Variants in CALN1 observed in about 807,000 individuals in gnomAD.
CALN1 encodes the protein calneuron 1.
CALN1 carries 17 observed loss-of-function variants against 30.6 expected under a neutral mutation model. That is an observed-to-expected ratio of 0.56 (90% CI 0.38 to 0.83). The LOEUF is 0.83. CALN1 is among the 40% of genes least tolerant of loss of function. The pLI is 0.00. For synonymous variants in CALN1, 156 were observed against 131.4 expected (o/e 1.19, Z -1.28); for missense variants, 291 against 354.9 (o/e 0.82, Z 1.45).
chr7:72,213,344 T>C (rs1222658652), intron 3 of CALN1, among the ~76,000 whole-genome samples: 1 of 152,178 alleles, frequency 6.6e-6, no homozygotes. Flanking sequence ...TTAACCTGGG[T>C]TCCCTAAACA....
At chr7:72,467,131 G>A in the CALN1 span, among the ~76,000 whole-genome samples, 1 of 152,102 alleles carries the variant, frequency 6.6e-6, no homozygotes, top group Admixed American at 6.5e-5. Context: ...GCAGCACTGG[G>A]TCACGCACAC....
chr7:72,322,737 C>T (rs531841634), intron 2 of CALN1, among the ~76,000 whole-genome samples: 3 of 151,776 alleles, frequency 2.0e-5, no homozygotes, highest in East Asian at 1.9e-4. Flanking sequence ...TGAATAATAC[C>T]CTAGTACTTG....
intron 3 of CALN1, among the ~76,000 whole-genome samples, chr7:72,141,205 G>T (rs139319258): frequency 9.2e-5 from 14 of 152,186 alleles, no homozygotes; most frequent in African/African-American, 3.4e-4. Flanking sequence ...GGCTGAGGTG[G>T]GAGCATCACT....
chr7:71,969,043 T>C (rs1797665048), intron 5 of CALN1, among the ~76,000 whole-genome samples: 1 of 150,770 alleles, frequency 6.6e-6, no homozygotes, highest in South Asian at 2.1e-4. Context: ...AGTGAGCCTC[T>C]ATCTCAAAAG....
rs117183642 is a variant in CALN1, at chr7:71,909,098, C to T, written c.502-98606G>A. Among the ~76,000 whole-genome samples the T allele has an allele frequency of 5.2e-3, 790 of 152,200 alleles. 3 individuals are homozygous for T. The highest frequency in any genetic ancestry group is 0.015 in the Admixed American group (231 of 15,282). On this transcript the variant is annotated intron_variant, in intron 5 of 6. Transcript: ENST00000395275. ...GTGGTGCAGTCATAGCTGACTGCAG[C>T]CTCAACCTCCTAGGCTCAAGCGATC...
intron 2 of CALN1, among the ~76,000 whole-genome samples, chr7:72,370,656 C>CA (rs374531193): frequency 0.37 from 37,681 of 100,496 alleles, 5,563 homozygotes; most frequent in Non-Finnish European, 0.43. Flanking sequence ...GACTCCGTCT[C>CA]AAAAAAAAAA....
chr7:71,921,584 G>C (rs1020389662), intron 5 of CALN1, among the ~76,000 whole-genome samples: 10 of 152,134 alleles, frequency 6.6e-5, no homozygotes, highest in African/African-American at 2.2e-4. Context: ...ATTTTCCTAA[G>C]TGAGGTGCCA....
chr7:72,503,890 G>A, the CALN1 span, among the ~76,000 whole-genome samples: 2 of 152,018 alleles, frequency 1.3e-5, no homozygotes, highest in Admixed American at 6.6e-5. Flanking sequence ...AGAATGCCTT[G>A]GTTTTTTAAT....
intron 3 of CALN1, among the ~76,000 whole-genome samples, chr7:72,108,159 A>C (rs907432057): frequency 9.9e-5 from 15 of 152,192 alleles, no homozygotes; most frequent in Non-Finnish European, 1.8e-4. Flanking sequence ...GGCTGCCAGC[A>C]TTCCTTGGCT....
At chr7:72,140,281 AGAGAG>A in intron 3 of CALN1, among the ~76,000 whole-genome samples, 1 of 28,830 alleles carries the variant, frequency 3.5e-5, no homozygotes, top group African/African-American at 1.8e-4. Context: ...AAAATAAGAG[AGAGAG>A]AGAGAGAGAG....
intron 6 of CALN1, among the ~76,000 whole-genome samples, chr7:71,798,085 GAGAC>G (rs149511111): frequency 3.4e-5 from 4 of 119,086 alleles, no homozygotes; most frequent in African/African-American, 1.2e-4. Flanking sequence ...GAGACAGAGA[GAGAC>G]AGAGAGAGAG....
intron 2 of CALN1, among the ~76,000 whole-genome samples, chr7:72,389,251 T>C (rs751503209): frequency 2.6e-4 from 39 of 152,220 alleles, no homozygotes; most frequent in Non-Finnish European, 4.4e-5. Flanking sequence ...GCAGGAATTC[T>C]TCCAGTTCTC....
At chr7:72,210,414 C>G (rs1375632424) in intron 3 of CALN1, among the ~76,000 whole-genome samples, 1 of 152,022 alleles carries the variant, frequency 6.6e-6, no homozygotes, top group Non-Finnish European at 1.5e-5. Flanking sequence ...AACCTGTAAC[C>G]CCAGCACTTT....
chr7:72,460,002 C>G, the CALN1 span, among the ~76,000 whole-genome samples: 1 of 152,176 alleles, frequency 6.6e-6, no homozygotes, highest in Non-Finnish European at 1.5e-5. Flanking sequence ...ACGTCTGCAT[C>G]TGGGAAAGCT....
chr7:72,217,832 ATTTTT>A (rs35736777), intron 3 of CALN1, among the ~76,000 whole-genome samples: 29 of 67,326 alleles, frequency 4.3e-4, no homozygotes, highest in African/African-American at 1.2e-3. Flanking sequence ...AATTAAATAA[ATTTTT>A]TTTTTTTTTT....
At chr7:72,483,733 A>G in the CALN1 span, among the ~76,000 whole-genome samples, 9 of 150,346 alleles carry the variant, frequency 6.0e-5, no homozygotes, top group Non-Finnish European at 1.2e-4. Flanking sequence ...CCAATTACAC[A>G]TTTATTCGGT....
At chr7:72,161,815 G>A (rs1308878141) in intron 3 of CALN1, among the ~76,000 whole-genome samples, 4 of 151,966 alleles carry the variant, frequency 2.6e-5, no homozygotes, top group Non-Finnish European at 5.9e-5. Context: ...AATAGCTGAT[G>A]GATGCTGGGC....
At chr7:72,042,297 T>G (rs1182800876) in intron 4 of CALN1, among the ~76,000 whole-genome samples, 1 of 152,168 alleles carries the variant, frequency 6.6e-6, no homozygotes, top group Non-Finnish European at 1.5e-5. Context: ...TACAGTTGTA[T>G]GTGTAGCTAT....
intron 4 of CALN1, among the ~76,000 whole-genome samples, chr7:72,057,425 G>T (rs2129536687): frequency 1.2e-5 from 1 of 86,248 alleles, no homozygotes. Flanking sequence ...TTCCTTTTCT[G>T]GAATCTGTCC....
Sources: allele counts gnomAD v4.1 joint callset (sites outside exome capture counted in the v4.1 genomes callset), GRCh38; gene constraint gnomAD v4.1.1; transcripts MANE v1.5; gene names NCBI Gene and HGNC (gene_info 2026-07-23, HGNC 2026-07-21).